Variants in KCNQ1 observed in about 807,000 individuals in gnomAD.
The protein encoded by KCNQ1 is potassium voltage-gated channel subfamily Q member 1.
KCNQ1 carries 49 observed loss-of-function variants against 72.4 expected under a neutral mutation model. The ratio of observed to expected loss-of-function variants is 0.68; its 90% CI spans 0.54 to 0.86. The LOEUF is 0.86. Ranked by LOEUF, KCNQ1 falls within the 40% of genes least tolerant of loss-of-function variation. The pLI is 0.00. For missense variants in KCNQ1, 790 were observed against 945.1 expected (o/e 0.84, Z 2.15); for synonymous variants, 450 against 412.6 (o/e 1.09, Z -1.10).
intron 10 of KCNQ1, chr11:2,655,742 A>G (rs1849835672): frequency 3.0e-6 from 1 of 332,228 alleles, no homozygotes; most frequent in Non-Finnish European, 5.3e-6. Flanking sequence ...ACCACAGGTG[A>G]AAACAGGGAA....
In KCNQ1 at chr11:2,621,566, T is replaced by TG; in HGVS notation, c.1393+32713dup. On this transcript the variant is annotated intron_variant, in intron 10 of 15. Coordinates refer to ENST00000155840, the MANE Select transcript of KCNQ1 (RefSeq NM_000218.3). This position sits in a 1 kb window ranked among gnomAD's most constrained non-coding sequence, Gnocchi z 5.7. The stretch of plus-strand genomic sequence containing the variant: ...CTTTAGTTTACCACTGTGATCTCTT[T>TG]GCTATTGGTCTGTTCAGGCTTTCTA... 2.5e-6 allele frequency: 1 copy of TG among 398,572 alleles called. No individual in the cohort carries two copies. The highest frequency in any genetic ancestry group is 3.6e-5 in the East Asian group (1 of 28,052). 24.7% of individuals were successfully genotyped at this position (398,572 alleles called of 1,614,324 possible).
intron 11 of KCNQ1, chr11:2,696,859 A>T (rs934167848): frequency 5.0e-6 from 2 of 398,386 alleles, no homozygotes; most frequent in South Asian, 1.3e-4. Flanking sequence ...GTCAGTTGCT[A>T]TTGGCATAAA....
intron 10 of KCNQ1, chr11:2,640,012 C>A (rs773472696): frequency 1.3e-5 from 2 of 158,830 alleles, no homozygotes; most frequent in Non-Finnish European, 2.8e-5. Flanking sequence ...GAGCCAGGCG[C>A]GGGATATAAT....
chr11:2,510,676 A>G (rs1333725484), intron 1 of KCNQ1, among the ~76,000 whole-genome samples: 1 of 152,176 alleles, frequency 6.6e-6, no homozygotes, highest in Non-Finnish European at 1.5e-5. Context: ...TTGAAGCCGC[A>G]CTGGTGTTGT....
Position 2,683,696 on chromosome 11 carries a change from G to C in KCNQ1, c.1514+21615G>C, listed in dbSNP as rs1054825967. 3.5e-5 allele frequency: 14 copies of C among 398,480 alleles called. No individual in the cohort carries two copies. Among genetic ancestry groups the C allele is most frequent in the Non-Finnish European group, 4.4e-6 (1 of 226,088 alleles). 24.7% of individuals were successfully genotyped at this position (398,480 alleles called of 1,614,324 possible). A position where few individuals can be genotyped will look rare whatever the true frequency, so the allele number is the denominator to read the frequency against. Reference sequence around the variant, plus strand: ...TACAACTGTGAAAAGCCTAGCCTGGGACTCAGGCCTTTCCTTACTCCCTCT... The same window carrying C: ...TACAACTGTGAAAAGCCTAGCCTGGCACTCAGGCCTTTCCTTACTCCCTCT... On this transcript the variant is annotated intron_variant, in intron 11 of 15. Coordinates refer to ENST00000155840, the MANE Select transcript of KCNQ1 (RefSeq NM_000218.3). This position sits in a 1 kb window ranked among gnomAD's most constrained non-coding sequence, Gnocchi z 4.7.
At position 2,581,781 on chromosome 11, in the gene KCNQ1, C is replaced by T. The variant is rs558557545; in HGVS notation, c.922-1654C>T. Among the ~76,000 whole-genome samples the T allele has an allele frequency of 5.5e-4, 84 of 152,364 alleles. 1 individual carries two copies. The highest frequency in any genetic ancestry group is 3.9e-3 in the South Asian group (19 of 4,830). On this transcript the variant is annotated intron_variant, in intron 6 of 15. Coordinates refer to ENST00000155840, the MANE Select transcript of KCNQ1 (RefSeq NM_000218.3). ...GAGCATCCCATCTCTGCATGGGGCA[C>T]GCTTGTGAGTGTGCACCCACATACA... is the stretch of plus-strand genomic sequence containing the variant.
chr11:2,642,732 C>T lies in KCNQ1; in HGVS notation c.1394-19229C>T, dbSNP rs1590000182. 2.5e-6 allele frequency: 1 copy of T among 397,480 alleles called. No homozygotes were observed. Among genetic ancestry groups the T allele is most frequent in the African/African-American group, 2.1e-5 (1 of 48,514 alleles). The allele number at this position is 397,480 out of a possible 1,614,324, so 24.6% of individuals were successfully genotyped here. ...TTTAGTATGGTTTGTTCTTGCTTTT[C>T]TGGTTCCTTCAGGTGTATCATTAGA... On this transcript the variant is annotated intron_variant, in intron 10 of 15. Transcript: ENST00000155840. This position sits in a 1 kb window ranked among gnomAD's most constrained non-coding sequence, Gnocchi z 4.3.
chr11:2,699,143 A>G (rs1850727383), intron 11 of KCNQ1: 3 of 398,588 alleles, frequency 7.5e-6, no homozygotes, highest in African/African-American at 6.2e-5. Context: ...TCCAATCCCA[A>G]TTCAGCCCAC....
At position 2,592,479 on chromosome 11, in the gene KCNQ1, T is replaced by A. The variant is rs538454700; in HGVS notation, c.1393+3625T>A. On this transcript the variant is annotated intron_variant, in intron 10 of 15. Coordinates refer to ENST00000155840, the MANE Select transcript of KCNQ1 (RefSeq NM_000218.3). This position sits in a 1 kb window ranked among gnomAD's most constrained non-coding sequence, Gnocchi z 5.2. Reference sequence around the variant, plus strand: ...CCTCATCCCACGCAGCAGGGCCCGCTGCTGCTCCCTCAACCTTCTGACCTG... The same window carrying A: ...CCTCATCCCACGCAGCAGGGCCCGCAGCTGCTCCCTCAACCTTCTGACCTG... 6.6e-6 allele frequency among the ~76,000 whole-genome samples: 1 copy of A among 151,586 alleles called. No individual in the cohort carries two copies. Among genetic ancestry groups the A allele is most frequent in the South Asian group, 2.1e-4 (1 of 4,764 alleles).
Position 2,657,952 on chromosome 11 carries a change from C to A in KCNQ1, c.1394-4009C>A, listed in dbSNP as rs760818665. 1.8e-5 allele frequency: 7 copies of A among 398,414 alleles called. No homozygotes were observed. The highest frequency in any genetic ancestry group is 2.7e-5 in the Non-Finnish European group (6 of 226,042). 24.7% of individuals were successfully genotyped at this position (398,414 alleles called of 1,614,324 possible). ...TATCACTGGTAATATTAACCTTGAG[C>A]CACTCGTTTAAAGTGGTGTCGGCCA... On this transcript the variant is annotated intron_variant, in intron 10 of 15. Transcript: ENST00000155840. The surrounding 1 kb of genome is among the most constrained non-coding windows in gnomAD (Gnocchi z 4.8).
intron 1 of KCNQ1, among the ~76,000 whole-genome samples, chr11:2,512,874 G>A (rs1847232671): frequency 6.6e-6 from 1 of 152,206 alleles, no homozygotes; most frequent in Admixed American, 6.5e-5. Context: ...TCCCCTTGGC[G>A]AGATCCTTGC....
chr11:2,501,718 C>CAAAAAAAAAAAAAAAAAAAAAA (rs55865890), intron 1 of KCNQ1, among the ~76,000 whole-genome samples: 8 of 68,906 alleles, frequency 1.2e-4, no homozygotes, highest in African/African-American at 2.0e-4. Context: ...AAAGATACAT[C>CAAAAAAAAAAAAAAAAAAAAAA]AAAAAAAAAA....
intron 1 of KCNQ1, among the ~76,000 whole-genome samples, chr11:2,459,428 G>A (rs979692745): frequency 6.6e-6 from 1 of 152,192 alleles, no homozygotes; most frequent in African/African-American, 2.4e-5. Context: ...GGCTTGGAGG[G>A]AGCAGGTGAA....
chr11:2,618,358 T>C (rs902032782), intron 10 of KCNQ1: 2 of 398,490 alleles, frequency 5.0e-6, no homozygotes, highest in African/African-American at 4.1e-5. Context: ...CAAATTTGTG[T>C]TGGGCCTCAT....
intron 11 of KCNQ1, chr11:2,688,732 C>T (rs1850535532): frequency 2.5e-6 from 1 of 398,902 alleles, no homozygotes; most frequent in African/African-American, 2.1e-5. Flanking sequence ...TGGCCCGGCT[C>T]TGAGCTGCTG....
rs1038870678 is a variant in KCNQ1 at position 2,473,746 on chromosome 11, G to A, written c.386+28262G>A. ...TCCTGGAGATGGCAGCCTGCAGGTT[G>A]AAGCCCCCGACAGCTGGGGGAGGCA... On this transcript the variant is annotated intron_variant, in intron 1 of 15. Coordinates refer to ENST00000155840, the MANE Select transcript of KCNQ1 (RefSeq NM_000218.3). The surrounding 1 kb of genome is among the most constrained non-coding windows in gnomAD (Gnocchi z 6.0). 6.6e-6 allele frequency among the ~76,000 whole-genome samples: 1 copy of A among 152,228 alleles called. No individual in the cohort carries two copies. The highest frequency in any genetic ancestry group is 2.4e-5 in the African/African-American group (1 of 41,466).
rs1334044441 is a variant in KCNQ1 at position 2,781,874 on chromosome 11, C to A, written c.1794+3837C>A. 6.6e-6 allele frequency among the ~76,000 whole-genome samples: 1 copy of A among 152,166 alleles called. No individual in the cohort carries two copies. The highest frequency in any genetic ancestry group is 2.4e-5 in the African/African-American group (1 of 41,424). On this transcript the variant is annotated intron_variant, in intron 15 of 15. Transcript: ENST00000155840. This position sits in a 1 kb window ranked among gnomAD's most constrained non-coding sequence, Gnocchi z 6.6. Reference sequence around the variant, plus strand: ...AGCGTTGGGCGGGAAGGGGCCCCCACCACCTGACACTCCTTTCACTGCCTC... The same window carrying A: ...AGCGTTGGGCGGGAAGGGGCCCCCAACACCTGACACTCCTTTCACTGCCTC...
Position 2,541,243 on chromosome 11 carries a change from C to T in KCNQ1, c.477+13225C>T, listed in dbSNP as rs186340420. On this transcript the variant is annotated intron_variant, in intron 2 of 15. Coordinates refer to ENST00000155840, the MANE Select transcript of KCNQ1 (RefSeq NM_000218.3). This position sits in a 1 kb window ranked among gnomAD's most constrained non-coding sequence, Gnocchi z 4.8. ...AAAATGTCAAGTGTGTGCCGAGAGG[C>T]GCAGGCCAGCCCCTTTTCCTGGCGG... Among the ~76,000 whole-genome samples, 309 of 152,352 alleles carry T rather than the reference C, an allele frequency of 2.0e-3. No homozygotes were observed. The highest frequency in any genetic ancestry group is 6.6e-3 in the African/African-American group (273 of 41,584).
chr11:2,792,005 C>T (rs1847035745), intron 15 of KCNQ1, among the ~76,000 whole-genome samples: 1 of 152,220 alleles, frequency 6.6e-6, no homozygotes. Context: ...GTGGATTAAA[C>T]ACGGGGCCGA....
Sources: gnomAD v4.1 joint callset for allele counts (sites outside exome capture counted in the v4.1 genomes callset) on GRCh38, gnomAD v4.1.1 for gene constraint, Gnocchi (gnomAD v3.1) non-coding constraint, MANE v1.5 for transcripts, NCBI Gene and HGNC (gene_info 2026-07-23, HGNC 2026-07-21) for gene names.